The following CEP83 variants were observed in gnomAD, a reference collection of about 807,000 sequenced individuals.
CEP83 encodes centrosomal protein 83.
A neutral mutation model predicts 101.9 loss-of-function variants in CEP83; 70 were observed. The observed-to-expected ratio is 0.69, with a 90% CI of 0.57 to 0.84. The LOEUF (loss-of-function observed/expected upper bound fraction) is 0.84, where lower values mean the gene tolerates loss of function less well. Ranked by LOEUF, CEP83 falls within the 40% of genes least tolerant of loss-of-function variation. The pLI, the probability that CEP83 is intolerant of heterozygous loss-of-function variation, is 0.00. For missense variants in CEP83, 715 were observed against 787.2 expected (o/e 0.91, Z 1.10); for synonymous variants, 264 against 267.9 (o/e 0.99, Z 0.14).
the CEP83 span, among the ~76,000 whole-genome samples, chr12:94,274,819 CTG>C: frequency 3.9e-5 from 6 of 152,220 alleles, no homozygotes; most frequent in Non-Finnish European, 1.5e-5. Context: ...TTTAACCTCT[CTG>C]TGCCTCAGTT....
chr12:94,440,608 T>C (rs1353693054), intron 1 of CEP83, among the ~76,000 whole-genome samples: 5 of 151,354 alleles, frequency 3.3e-5, no homozygotes, highest in African/African-American at 7.3e-5. Flanking sequence ...AAAATGACCA[T>C]ACTGCCAAGA....
intron 14 of CEP83, among the ~76,000 whole-genome samples, chr12:94,317,832 T>C (rs964303626): frequency 6.6e-6 from 1 of 152,162 alleles, no homozygotes; most frequent in African/African-American, 2.4e-5. Flanking sequence ...ATAGTATAGT[T>C]TTAAGTCAGG....
At chr12:94,351,285 A>G (rs2136770092) in intron 11 of CEP83, among the ~76,000 whole-genome samples, 1 of 152,246 alleles carries the variant, frequency 6.6e-6, no homozygotes, top group Non-Finnish European at 1.5e-5. Context: ...CAGGCCCTGA[A>G]TCCGGTACAG....
chr12:94,423,008 T>C (rs1026642100), intron 2 of CEP83, among the ~76,000 whole-genome samples: 8 of 152,204 alleles, frequency 5.3e-5, no homozygotes, highest in Non-Finnish European at 1.0e-4. Flanking sequence ...GGTTTATATT[T>C]AACTTTGTGT....
At chr12:94,414,910 T>C (rs1593858765) in intron 2 of CEP83, among the ~76,000 whole-genome samples, 2 of 152,146 alleles carry the variant, frequency 1.3e-5, no homozygotes, top group African/African-American at 4.8e-5. Flanking sequence ...AAGTTAAGAT[T>C]ACTAAGATTT....
intron 4 of CEP83, among the ~76,000 whole-genome samples, chr12:94,410,620 C>A (rs1239775549): frequency 6.6e-6 from 1 of 152,104 alleles, no homozygotes; most frequent in Non-Finnish European, 1.5e-5. Context: ...ATTTGCAATA[C>A]CTGAAGAATC....
chr12:94,312,791 A>G, intron 15 of CEP83, 123 bp downstream of exon 15: 3 of 1,272,170 alleles, frequency 2.4e-6, no homozygotes, highest in Non-Finnish European at 3.0e-6. Context: ...AGGAGTTATC[A>G]AGCTGTTTTA....
intron 1 of CEP83, among the ~76,000 whole-genome samples, chr12:94,454,949 A>G (rs1216665939): frequency 6.6e-6 from 1 of 152,172 alleles, no homozygotes; most frequent in Non-Finnish European, 1.5e-5. Flanking sequence ...CTGCAGCCTC[A>G]CTCCTGAAGT....
At chr12:94,348,413 T>G (rs558384008) in intron 11 of CEP83, among the ~76,000 whole-genome samples, 33 of 152,098 alleles carry the variant, frequency 2.2e-4, no homozygotes, top group Non-Finnish European at 4.4e-4. Context: ...GTGAAAAAGC[T>G]AGATAAGTGG....
chr12:94,408,916 A>G (rs1359667282), intron 4 of CEP83, among the ~76,000 whole-genome samples: 1 of 152,040 alleles, frequency 6.6e-6, no homozygotes, highest in Non-Finnish European at 1.5e-5. Flanking sequence ...TCATCCTTAC[A>G]GTCATCCTAT....
intron 15 of CEP83, among the ~76,000 whole-genome samples, chr12:94,311,010 G>T (rs1182494842): frequency 1.3e-5 from 2 of 152,132 alleles, no homozygotes; most frequent in African/African-American, 4.8e-5. Flanking sequence ...GGCATGATTA[G>T]AGGGTTGGAA....
At chr12:94,289,175 C>A in the CEP83 span, among the ~76,000 whole-genome samples, 2 of 152,194 alleles carry the variant, frequency 1.3e-5, no homozygotes, top group Non-Finnish European at 2.9e-5. Context: ...CCTTCACTTG[C>A]AAGTGGTTTG....
In CEP83 at chr12:94,367,803, T is replaced by C; in HGVS notation, c.1334A>G (p.Gln445Arg). The change falls in exon 11 of 17, where the codon CAG (glutamine) becomes CGG (arginine). Residue 445 changes from glutamine (Q) to arginine (R), a missense_variant. Gln to Arg is a conservative substitution (Grantham distance 43). Coordinates refer to ENST00000397809, the MANE Select transcript of CEP83 (RefSeq NM_016122.3). ...TATATGTATATATAACCTAACACTCTGAAGCTCCTTCCTGGTGATCTCTTC... is the reference window on the plus strand; with the variant it reads ...TATATGTATATATAACCTAACACTCCGAAGCTCCTTCCTGGTGATCTCTTC... ...MAEEITRKEL[Q>R]SVRLKLQQQI... 6.2e-7 allele frequency: 1 copy of C among 1,609,516 alleles called. No individual in the cohort carries two copies. The highest frequency in any genetic ancestry group is 8.5e-7 in the Non-Finnish European group (1 of 1,178,772).
At chr12:94,384,686 C>A (rs2137268843) in intron 6 of CEP83, among the ~76,000 whole-genome samples, 1 of 152,288 alleles carries the variant, frequency 6.6e-6, no homozygotes, top group Admixed American at 6.5e-5. Flanking sequence ...TGCAGTTGAG[C>A]CTGGCAACTC....
chr12:94,380,992 T>G (rs2061818918), intron 6 of CEP83, among the ~76,000 whole-genome samples: 1 of 152,188 alleles, frequency 6.6e-6, no homozygotes, highest in Non-Finnish European at 1.5e-5. Flanking sequence ...ATCAAATCAT[T>G]CTTACAAAAC....
intron 14 of CEP83, chr12:94,328,281 G>A (rs1270221267): frequency 8.4e-6 from 3 of 356,988 alleles, no homozygotes; most frequent in Non-Finnish European, 1.7e-5. Flanking sequence ...GTCACAGAAG[G>A]GCATCCCAAC....
At chr12:94,375,148 G>A (rs192829012) in intron 8 of CEP83, among the ~76,000 whole-genome samples, 73 of 152,178 alleles carry the variant, frequency 4.8e-4, no homozygotes, top group African/African-American at 1.3e-3. Flanking sequence ...TGGTGGGAAA[G>A]AAAAGGAGAG....
rs1161481202 is a variant in CEP83 at position 94,343,470 on chromosome 12, C to CTTTTTTTT, written c.1344-7814_1344-7807dup. 5.3e-4 allele frequency among the ~76,000 whole-genome samples: 45 copies of CTTTTTTTT among 84,180 alleles called. 2 individuals are homozygous for CTTTTTTTT. Among genetic ancestry groups the CTTTTTTTT allele is most frequent in the African/African-American group, 1.4e-3 (27 of 19,074 alleles). 55.2% of individuals were successfully genotyped at this position (84,180 alleles called of 152,430 possible). ...ACAATGCAATAAAGCTAGAAATTAA[C>CTTTTTTTT]TTTTTTTTTTTTTTTTTTTTTTTTT... is the stretch of plus-strand genomic sequence containing the variant. On this transcript the variant is annotated intron_variant, in intron 11 of 16. Coordinates refer to ENST00000397809, the MANE Select transcript of CEP83 (RefSeq NM_016122.3).
At chr12:94,378,639 T>A in intron 7 of CEP83, 152 bp downstream of exon 7, 1 of 836,366 alleles carries the variant, frequency 1.2e-6, no homozygotes, top group Non-Finnish European at 1.8e-6. Flanking sequence ...AATAGCTTTC[T>A]TCTTTACTAA....
Sources: allele counts gnomAD v4.1 joint callset (sites outside exome capture counted in the v4.1 genomes callset), GRCh38; gene constraint gnomAD v4.1.1; transcripts MANE v1.5; gene names NCBI Gene and HGNC (gene_info 2026-07-23, HGNC 2026-07-21).